SLC38A12: variants seen among roughly 807,000 people sequenced by gnomAD.
SLC38A12 encodes the protein putative sodium-coupled neutral amino acid transporter 12.
the SLC38A12 span, among the ~76,000 whole-genome samples, chr17:74,820,546 G>A: frequency 3.9e-5 from 6 of 152,352 alleles, no homozygotes; most frequent in African/African-American, 1.2e-4. Flanking sequence ...ACAGGAGCGG[G>A]TGGGGCCCTC....
At chr17:74,819,507 T>C in the SLC38A12 span, among the ~76,000 whole-genome samples, 1 of 152,334 alleles carries the variant, frequency 6.6e-6, no homozygotes, top group South Asian at 2.1e-4. Context: ...CCTAGGAGGC[T>C]CAGCATTGTC....
chr17:74,836,663 C>A, the SLC38A12 span: 1 of 1,606,990 alleles, frequency 6.2e-7, no homozygotes, highest in South Asian at 1.1e-5. The surrounding 1 kb of genome is among the most constrained non-coding windows in gnomAD (Gnocchi z 4.2). Context: ...CGGCCAATAT[C>A]ATCCTCAGCG....
At chr17:74,828,138 G>A in the SLC38A12 span, among the ~76,000 whole-genome samples, 3 of 152,204 alleles carry the variant, frequency 2.0e-5, no homozygotes, top group Admixed American at 6.5e-5. Context: ...CCACCGTGAC[G>A]GATGGCCTCC....
chr17:74,790,258 A>G, the SLC38A12 span: 3 of 1,614,018 alleles, frequency 1.9e-6, no homozygotes, highest in African/African-American at 4.0e-5. Context: ...ATCCGGGACA[A>G]CTACGAGCGG....
chr17:74,820,239 G>A, the SLC38A12 span, among the ~76,000 whole-genome samples: 26 of 152,326 alleles, frequency 1.7e-4, no homozygotes, highest in South Asian at 1.9e-3. Context: ...CGAGAGCGGC[G>A]CGGCTCTGCG....
the SLC38A12 span, among the ~76,000 whole-genome samples, chr17:74,783,721 CTTTTTTT>C: frequency 1.2e-4 from 12 of 103,998 alleles, no homozygotes; most frequent in East Asian, 2.6e-4. Flanking sequence ...CATGCTTTTT[CTTTTTTT>C]TTTTTTTTTT....
the SLC38A12 span, among the ~76,000 whole-genome samples, chr17:74,824,228 C>A: frequency 1.3e-5 from 2 of 152,136 alleles, no homozygotes; most frequent in Non-Finnish European, 2.9e-5. Flanking sequence ...GCTCCGCCGC[C>A]CCCAGCATCT....
chr17:74,817,723 C>T, the SLC38A12 span, among the ~76,000 whole-genome samples: 5 of 152,182 alleles, frequency 3.3e-5, no homozygotes, highest in Non-Finnish European at 7.4e-5. Flanking sequence ...AGGACCCAGG[C>T]AGCCTGCAGG....
the SLC38A12 span, among the ~76,000 whole-genome samples, chr17:74,826,067 T>A: frequency 6.6e-6 from 1 of 152,120 alleles, no homozygotes; most frequent in Non-Finnish European, 1.5e-5. Flanking sequence ...ATGTTTCCAA[T>A]CTCCAGGAAG....
the SLC38A12 span, among the ~76,000 whole-genome samples, chr17:74,815,678 A>G: frequency 6.6e-6 from 1 of 152,116 alleles, no homozygotes; most frequent in Non-Finnish European, 1.5e-5. Flanking sequence ...TTAGAACTGG[A>G]GAGGAGGGAG....
At chr17:74,790,319 G>T in the SLC38A12 span, 1 of 1,604,358 alleles carries the variant, frequency 6.2e-7, no homozygotes, top group South Asian at 1.1e-5. Flanking sequence ...GTTCTCGCGG[G>T]CCCGCACTTC....
the SLC38A12 span, chr17:74,785,512 G>A: frequency 8.1e-6 from 13 of 1,613,916 alleles, 1 homozygote; most frequent in African/African-American, 8.0e-5. Flanking sequence ...TAACCTCATC[G>A]TGGGCACGGG....
At chr17:74,816,386 C>T in the SLC38A12 span, among the ~76,000 whole-genome samples, 502 of 152,290 alleles carry the variant, frequency 3.3e-3, 3 homozygotes, top group African/African-American at 0.011. Context: ...AGGTGGGCAG[C>T]GCATGTAAGG....
chr17:74,819,879 C>T, the SLC38A12 span: 5 of 1,574,498 alleles, frequency 3.2e-6, no homozygotes, highest in African/African-American at 4.0e-5. Context: ...TCTGCGCTTT[C>T]TCCTCTCGTC....
chr17:74,823,957 A>G, the SLC38A12 span, among the ~76,000 whole-genome samples: 149,906 of 152,360 alleles, frequency 0.98, 73,798 homozygotes, highest in Non-Finnish European at 1. Flanking sequence ...CAGCACCTGC[A>G]CAGTGTGCAG....
chr17:74,806,857 C>T, the SLC38A12 span, among the ~76,000 whole-genome samples: 1 of 152,118 alleles, frequency 6.6e-6, no homozygotes, highest in South Asian at 2.1e-4. Flanking sequence ...AGGAGTGTCC[C>T]GCCCCACGGC....
At chr17:74,798,417 C>T in the SLC38A12 span, among the ~76,000 whole-genome samples, 6 of 152,232 alleles carry the variant, frequency 3.9e-5, no homozygotes, top group Non-Finnish European at 8.8e-5. Flanking sequence ...CTACCAGCAG[C>T]TCCCAGTGGC....
the SLC38A12 span, among the ~76,000 whole-genome samples, chr17:74,776,736 G>T: frequency 3.3e-5 from 5 of 152,180 alleles, no homozygotes; most frequent in African/African-American, 1.2e-4. Context: ...AGCTTTGAGG[G>T]TGGGGAACCC....
the SLC38A12 span, chr17:74,838,626 G>A: frequency 7.4e-7 from 1 of 1,353,216 alleles, no homozygotes; most frequent in Non-Finnish European, 9.5e-7. Context: ...TGCCAAGTGG[G>A]GACCCTCACC....
Sources: gnomAD v4.1 joint callset for allele counts (sites outside exome capture counted in the v4.1 genomes callset) on GRCh38, gnomAD v4.1.1 for gene constraint, Gnocchi (gnomAD v3.1) non-coding constraint, MANE v1.5 for transcripts, NCBI Gene and HGNC (gene_info 2026-07-23, HGNC 2026-07-21) for gene names.